FARS2: variants seen among roughly 807,000 people sequenced by gnomAD.
FARS2 encodes the protein phenylalanyl-tRNA synthetase 2, mitochondrial.
In FARS2, 40 loss-of-function variants were observed where a neutral mutation model predicts 46.4. The observed-to-expected ratio is 0.86, with a 90% CI of 0.67 to 1.12. The LOEUF (loss-of-function observed/expected upper bound fraction) is 1.12, where lower values mean the gene tolerates loss of function less well. Ranked by LOEUF, FARS2 falls within the 50% of genes most tolerant of loss-of-function variation. The pLI is 0.00. For missense variants in FARS2, 513 were observed against 567.9 expected (o/e 0.90, Z 0.98); for synonymous variants, 234 against 214.9 (o/e 1.09, Z -0.78).
rs552349557 is a variant in FARS2, at chr6:5,764,012, C to T, written c.1218-7279C>T. Among the ~76,000 whole-genome samples, 1 of 152,054 alleles carries T rather than the reference C, an allele frequency of 6.6e-6. No individual in the cohort carries two copies. The highest frequency in any genetic ancestry group is 2.1e-4 in the South Asian group (1 of 4,814). Reference sequence around the variant, plus strand: ...AGGAAATACAAGTCCCTCACCCCCACAGCCTCATTACACTCTCCAATAAGC... The same window carrying T: ...AGGAAATACAAGTCCCTCACCCCCATAGCCTCATTACACTCTCCAATAAGC... On this transcript the variant is annotated intron_variant, in intron 6 of 6. Transcript: ENST00000274680. This position sits in a 1 kb window ranked among gnomAD's most constrained non-coding sequence, Gnocchi z 4.1.
intron 5 of FARS2, among the ~76,000 whole-genome samples, chr6:5,579,471 A>G (rs1296779669): frequency 2.0e-5 from 3 of 151,978 alleles, no homozygotes; most frequent in African/African-American, 4.8e-5. Flanking sequence ...ATGGGATTTC[A>G]CCATGTTGGC....
intron 5 of FARS2, among the ~76,000 whole-genome samples, chr6:5,605,466 C>G (rs1369792209): frequency 6.6e-6 from 1 of 152,214 alleles, no homozygotes; most frequent in Non-Finnish European, 1.5e-5. Flanking sequence ...CTGAGCTAAG[C>G]ACCCCATGTC....
rs549318086 is a variant in FARS2, at chr6:5,534,855, A to ATG, written c.905-10325_905-10324insTG. 2.0e-3 allele frequency among the ~76,000 whole-genome samples: 304 copies of ATG among 151,224 alleles called. 2 individuals are homozygous for ATG. Among genetic ancestry groups the ATG allele is most frequent in the African/African-American group, 6.6e-3 (267 of 40,652 alleles). The stretch of plus-strand genomic sequence containing the variant: ...CACACACGCACGCATACACACTTGC[A>ATG]CGCGCACACACACACACACAGAGAC... On this transcript the variant is annotated intron_variant, in intron 4 of 6. Coordinates refer to ENST00000274680, the MANE Select transcript of FARS2 (RefSeq NM_006567.5).
intron 1 of FARS2, among the ~76,000 whole-genome samples, chr6:5,365,007 C>T (rs1758556203): frequency 6.6e-6 from 1 of 151,698 alleles, no homozygotes; most frequent in African/African-American, 2.4e-5. Context: ...CATGATCATC[C>T]CACTGCACTC....
At position 5,735,428 on chromosome 6, in the gene FARS2, C is replaced by T. The variant is rs114332968; in HGVS notation, c.1218-35863C>T. Among the ~76,000 whole-genome samples the T allele has an allele frequency of 4.3e-3, 658 of 152,300 alleles. 4 individuals carry two copies. Among genetic ancestry groups the T allele is most frequent in the African/African-American group, 0.015 (627 of 41,568 alleles). ...CACTTTGGTGACTAAGGGCTTGGAG[C>T]TTTGGAGGAAGACAGCTCCAGGCCC... On this transcript the variant is annotated intron_variant, in intron 6 of 6. Coordinates refer to ENST00000274680, the MANE Select transcript of FARS2 (RefSeq NM_006567.5).
chr6:5,621,629 G>A (rs1775781754), intron 6 of FARS2, among the ~76,000 whole-genome samples: 1 of 152,188 alleles, frequency 6.6e-6, no homozygotes, highest in African/African-American at 2.4e-5. Flanking sequence ...ATAGCAAGCT[G>A]TGTATGTCTG....
intron 4 of FARS2, among the ~76,000 whole-genome samples, chr6:5,501,832 T>C (rs1767820033): frequency 6.6e-6 from 1 of 152,222 alleles, no homozygotes; most frequent in Admixed American, 6.5e-5. Flanking sequence ...CATTACGGGT[T>C]GCATTAAAAT....
chr6:5,646,426 C>T (rs1777077338), intron 6 of FARS2, among the ~76,000 whole-genome samples: 1 of 152,134 alleles, frequency 6.6e-6, no homozygotes, highest in African/African-American at 2.4e-5. Context: ...AGTGGGCTCA[C>T]ACAGTCTCAT....
chr6:5,298,591 A>G (rs990161682), intron 1 of FARS2, among the ~76,000 whole-genome samples: 1 of 152,192 alleles, frequency 6.6e-6, no homozygotes, highest in East Asian at 1.9e-4. Context: ...TAGAAAAACA[A>G]TGATGCTAGA....
At chr6:5,392,726 A>G (rs1760601187) in intron 2 of FARS2, among the ~76,000 whole-genome samples, 1 of 113,086 alleles carries the variant, frequency 8.8e-6, no homozygotes, top group Non-Finnish European at 1.8e-5. Flanking sequence ...GCTCTAAAAT[A>G]TATATATATA....
At position 5,569,628 on chromosome 6, in the gene FARS2, G is replaced by A. The variant is rs1343584391; in HGVS notation, c.1065+24288G>A. Among the ~76,000 whole-genome samples, 6 of 152,304 alleles carry A rather than the reference G, an allele frequency of 3.9e-5. No individual in the cohort carries two copies. In the East Asian group the frequency reaches 1.2e-3, roughly 29 times the overall value. ...TTGGCATAGTCAAGTCTTCAGCTGA[G>A]CAACTGGTCTTAGGTATGGCTGGCC... On this transcript the variant is annotated intron_variant, in intron 5 of 6. Coordinates refer to ENST00000274680, the MANE Select transcript of FARS2 (RefSeq NM_006567.5).
the FARS2 span, among the ~76,000 whole-genome samples, chr6:5,251,300 G>C: frequency 8.5e-5 from 13 of 152,288 alleles, no homozygotes; most frequent in African/African-American, 1.9e-4. Context: ...CAAAGTGAAA[G>C]GTGCTTGTTA....
At chr6:5,320,054 T>C (rs929422051) in intron 1 of FARS2, among the ~76,000 whole-genome samples, 5 of 152,240 alleles carry the variant, frequency 3.3e-5, no homozygotes, top group Non-Finnish European at 7.3e-5. Context: ...CTTGGGATAA[T>C]GCCACTTGAT....
At position 5,771,541 on chromosome 6, in the gene FARS2, GTT is replaced by G; in HGVS notation, c.*115_*116del. The G allele has an allele frequency of 8.7e-7, 1 of 1,145,840 alleles. No homozygotes were observed. The allele number at this position is 1,145,840 out of a possible 1,614,324, so 71.0% of individuals were successfully genotyped here. ...CAATCATCTTTTGATAAATGGATCAGTTTTAGGACTTTCAGAAAATAAAAGAT... is the reference window on the plus strand; with the variant it reads ...CAATCATCTTTTGATAAATGGATCAGTTAGGACTTTCAGAAAATAAAAGAT... On this transcript the variant is annotated 3_prime_UTR_variant, in exon 7 of 7. Coordinates refer to ENST00000274680, the MANE Select transcript of FARS2 (RefSeq NM_006567.5).
intron 4 of FARS2, among the ~76,000 whole-genome samples, chr6:5,480,478 C>A (rs935441179): frequency 1.3e-5 from 2 of 152,128 alleles, no homozygotes; most frequent in Non-Finnish European, 2.9e-5. Flanking sequence ...CTCTTCCTGA[C>A]CTGAGATATA....
intron 5 of FARS2, among the ~76,000 whole-genome samples, chr6:5,608,285 C>T (rs1774963051): frequency 1.3e-5 from 2 of 152,140 alleles, no homozygotes; most frequent in Non-Finnish European, 2.9e-5. Flanking sequence ...TGGGATCACA[C>T]ATTTTTGCCT....
chr6:5,447,465 C>T (rs1352770420), intron 4 of FARS2, among the ~76,000 whole-genome samples: 1 of 152,192 alleles, frequency 6.6e-6, no homozygotes, highest in Admixed American at 6.5e-5. Flanking sequence ...TTTTTACCCC[C>T]ATTCTCTACC....
intron 6 of FARS2, among the ~76,000 whole-genome samples, chr6:5,745,124 G>A (rs1229672115): frequency 1.3e-5 from 2 of 152,228 alleles, no homozygotes; most frequent in African/African-American, 4.8e-5. Context: ...AACTGACTGA[G>A]TTAGGGCGAT....
At chr6:5,371,789 A>T (rs1486334034) in intron 2 of FARS2, among the ~76,000 whole-genome samples, 5 of 152,142 alleles carry the variant, frequency 3.3e-5, no homozygotes, top group Non-Finnish European at 7.4e-5. Context: ...GGAAAAAGGA[A>T]TGAAAAAAAT....
Sources: gnomAD v4.1 joint callset for allele counts (sites outside exome capture counted in the v4.1 genomes callset) on GRCh38, gnomAD v4.1.1 for gene constraint, Gnocchi (gnomAD v3.1) non-coding constraint, MANE v1.5 for transcripts, NCBI Gene and HGNC (gene_info 2026-07-23, HGNC 2026-07-21) for gene names.